The following RPS6KA2 variants were observed in gnomAD, a reference collection of about 807,000 sequenced individuals.
RPS6KA2 encodes the protein ribosomal protein S6 kinase alpha-2.
In RPS6KA2, 42 loss-of-function variants were observed where a neutral mutation model predicts 91.8. That is an observed-to-expected ratio of 0.46 (90% CI 0.36 to 0.59). The LOEUF is 0.59. Among genes scored for constraint, RPS6KA2 ranks in the 20% least tolerant of loss-of-function variants. The pLI, the probability that RPS6KA2 is intolerant of heterozygous loss-of-function variation, is 0.00. For missense variants in RPS6KA2, 798 were observed against 978.5 expected, an observed-to-expected ratio of 0.82 and a Z score of 2.46; for synonymous variants, 414 against 393.6, an observed-to-expected ratio of 1.05 and a Z score of -0.61.
chr6:166,840,233 C>T (rs1306429284), intron 2 of RPS6KA2, among the ~76,000 whole-genome samples: 1 of 152,060 alleles, frequency 6.6e-6, no homozygotes, highest in East Asian at 1.9e-4. Context: ...ACCTGGGCAC[C>T]AAGTTCCTGC....
chr6:166,555,633 G>A (rs1174219551), intron 1 of RPS6KA2, among the ~76,000 whole-genome samples: 1 of 151,958 alleles, frequency 6.6e-6, no homozygotes, highest in Non-Finnish European at 1.5e-5. Flanking sequence ...TTTCTCTGCT[G>A]CAACCCAGTA....
chr6:166,809,524 G>C (rs2128620066), intron 2 of RPS6KA2, among the ~76,000 whole-genome samples: 1 of 152,300 alleles, frequency 6.6e-6, no homozygotes, highest in South Asian at 2.1e-4. Context: ...AAACAGAAAA[G>C]TTGCATAGGG....
At chr6:166,659,870 G>T (rs1378547539) in intron 2 of RPS6KA2, among the ~76,000 whole-genome samples, 2 of 152,218 alleles carry the variant, frequency 1.3e-5, no homozygotes, top group Non-Finnish European at 2.9e-5. Flanking sequence ...TTATCTCACT[G>T]GCTGGTTGTA....
intron 2 of RPS6KA2, among the ~76,000 whole-genome samples, chr6:166,779,836 G>A (rs59966748): frequency 0.024 from 3,633 of 152,238 alleles, 118 homozygotes; most frequent in African/African-American, 0.081. Flanking sequence ...TGGGGCTAGC[G>A]TTGCCGACGG....
At position 166,756,674 on chromosome 6, in the gene RPS6KA2, C is replaced by G. The variant is rs553831145; in HGVS notation, c.123+101526G>C. On this transcript the variant is annotated intron_variant, in intron 2 of 21. Transcript: ENST00000503859. ...ACCAACCTGACCAACATGGAGAAAC[C>G]CCATCTCTACTAAAATACAAAATTA... Among the ~76,000 whole-genome samples the G allele has an allele frequency of 7.9e-5, 12 of 152,066 alleles. No homozygotes were observed. In the South Asian group the frequency reaches 2.5e-3, roughly 32 times the overall value.
chr6:166,677,403 C>G (rs971171159), intron 2 of RPS6KA2, among the ~76,000 whole-genome samples: 2 of 151,160 alleles, frequency 1.3e-5, no homozygotes, highest in African/African-American at 4.9e-5. Flanking sequence ...ACTTTGTCAC[C>G]CAGGCTGAAG....
intron 2 of RPS6KA2, among the ~76,000 whole-genome samples, chr6:166,803,863 G>C (rs1000614944): frequency 6.6e-6 from 1 of 152,260 alleles, no homozygotes; most frequent in Middle Eastern, 3.4e-3. Flanking sequence ...ATCCCCTTGG[G>C]GATAAGCAAA....
intron 2 of RPS6KA2, among the ~76,000 whole-genome samples, chr6:166,765,737 A>C (rs777353515): frequency 6.6e-6 from 1 of 152,218 alleles, no homozygotes; most frequent in Non-Finnish European, 1.5e-5. Context: ...CACATTTTAC[A>C]TGCACAGCTG....
intron 2 of RPS6KA2, chr6:166,700,954 A>C: frequency 1.5e-6 from 1 of 686,398 alleles, no homozygotes; most frequent in Non-Finnish European, 2.6e-6. Context: ...GGAGTTCAAA[A>C]GTTGCCTGGT....
intron 2 of RPS6KA2, among the ~76,000 whole-genome samples, chr6:166,752,532 T>C (rs1777881603): frequency 1.3e-5 from 2 of 152,220 alleles, no homozygotes; most frequent in Non-Finnish European, 2.9e-5. Flanking sequence ...AGAACATTAA[T>C]GGGTTATTAA....
Position 166,510,352 on chromosome 6 carries a change from C to A in RPS6KA2, c.304G>T (p.Asp102Tyr). 2 of 1,587,170 alleles carry A rather than the reference C, an allele frequency of 1.3e-6. No homozygotes were observed. The highest frequency in any genetic ancestry group is 1.7e-6 in the Non-Finnish European group (2 of 1,163,436). ...VLKKATLKVR[D>Y]RVRSKMERDI... Reference sequence around the variant, plus strand: ...CTCTCCATCTTCGATCTCACTCGGTCCCGAACTGCAAAGTAAAAAGATAAA... The same window carrying A: ...CTCTCCATCTTCGATCTCACTCGGTACCGAACTGCAAAGTAAAAAGATAAA... Residue 102 changes from aspartate to tyrosine, a missense_variant, in exon 4 of 21, where the codon GAC becomes TAC. By Grantham distance (160) the Asp-to-Tyr change is radical. Transcript: ENST00000265678.
rs1460187051 is a variant in RPS6KA2, at chr6:166,821,398, G to A, written c.123+36802C>T. ...CTGTGGGTGCGCTTCACATGCGTGG[G>A]GCTGTAGGATGGAGGGGTGGAGAGG... On this transcript the variant is annotated intron_variant, in intron 2 of 21. Transcript: ENST00000503859. This position sits in a 1 kb window ranked among gnomAD's most constrained non-coding sequence, Gnocchi z 4.1. Among the ~76,000 whole-genome samples, 1 of 152,084 alleles carries A rather than the reference G, an allele frequency of 6.6e-6. No individual in the cohort carries two copies. The highest frequency in any genetic ancestry group is 1.5e-5 in the Non-Finnish European group (1 of 68,020).
At chr6:166,735,183 C>CT (rs1790641825) in intron 2 of RPS6KA2, among the ~76,000 whole-genome samples, 1 of 152,226 alleles carries the variant, frequency 6.6e-6, no homozygotes, top group Admixed American at 6.5e-5. Context: ...AGCCACTCCG[C>CT]TTCAGGCTGT....
chr6:166,510,808 C>T (rs1782456310), intron 3 of RPS6KA2, among the ~76,000 whole-genome samples: 3 of 151,634 alleles, frequency 2.0e-5, no homozygotes, highest in South Asian at 2.1e-4. Flanking sequence ...GTCGTTTTCC[C>T]GACCTAGGAT....
At chr6:166,709,041 C>T (rs1336452680) in intron 2 of RPS6KA2, among the ~76,000 whole-genome samples, 1 of 152,176 alleles carries the variant, frequency 6.6e-6, no homozygotes, top group Non-Finnish European at 1.5e-5. Flanking sequence ...AAGCTGTGAG[C>T]CTGCAGTGGG....
chr6:166,855,996 T>C (rs1583183219), intron 2 of RPS6KA2, among the ~76,000 whole-genome samples: 1 of 152,342 alleles, frequency 6.6e-6, no homozygotes, highest in East Asian at 1.9e-4. Flanking sequence ...TTGGTTACTT[T>C]CATTACATTC....
chr6:166,715,090 G>C (rs781391656), intron 2 of RPS6KA2, among the ~76,000 whole-genome samples: 1 of 152,256 alleles, frequency 6.6e-6, no homozygotes, highest in Non-Finnish European at 1.5e-5. Context: ...CCTTGCAGAC[G>C]TGAGAAAGGA....
chr6:166,721,274 C>A (rs1042948519), intron 2 of RPS6KA2, among the ~76,000 whole-genome samples: 8 of 152,170 alleles, frequency 5.3e-5, no homozygotes, highest in Admixed American at 1.3e-4. Context: ...GGATGGGTTT[C>A]CTCAAAAGAC....
intron 2 of RPS6KA2, among the ~76,000 whole-genome samples, chr6:166,725,216 T>C (rs1417498694): frequency 6.6e-6 from 1 of 152,234 alleles, no homozygotes; most frequent in Non-Finnish European, 1.5e-5. Context: ...GAAAGGCTTA[T>C]GTTTTTATGT....
Sources: allele counts gnomAD v4.1 joint callset (sites outside exome capture counted in the v4.1 genomes callset), GRCh38; gene constraint gnomAD v4.1.1; non-coding constraint Gnocchi (gnomAD v3.1); transcripts MANE v1.5; gene names NCBI Gene and HGNC (gene_info 2026-07-23, HGNC 2026-07-21).